Variants in RPS6KA5 observed in about 807,000 individuals in gnomAD.
RPS6KA5 encodes the protein ribosomal protein S6 kinase alpha-5.
A neutral mutation model predicts 85.5 loss-of-function variants in RPS6KA5; 27 were observed. That is an observed-to-expected ratio of 0.32 (90% CI 0.23 to 0.44). The LOEUF is 0.44. Among genes scored for constraint, RPS6KA5 ranks in the 20% least tolerant of loss-of-function variants. The probability of loss-of-function intolerance (pLI) is 1.00; values close to 1 mark genes in which losing one functional copy is unlikely to be tolerated. For missense variants in RPS6KA5, 811 were observed against 980.9 expected (o/e 0.83, Z 2.31); for synonymous variants, 334 against 348.2 (o/e 0.96, Z 0.46).
intron 1 of RPS6KA5, among the ~76,000 whole-genome samples, chr14:91,026,333 C>T (rs1240441303): frequency 3.3e-5 from 5 of 152,110 alleles, no homozygotes; most frequent in East Asian, 1.9e-4. Context: ...TGGGCTCAAG[C>T]GATCCTCTCA....
At chr14:90,876,245 T>C (rs1339821175) in intron 14 of RPS6KA5, among the ~76,000 whole-genome samples, 1 of 152,220 alleles carries the variant, frequency 6.6e-6, no homozygotes, top group Middle Eastern at 3.2e-3. Context: ...AATAGAGAGA[T>C]AGCAGAACTC....
intron 12 of RPS6KA5, among the ~76,000 whole-genome samples, chr14:90,895,172 A>G (rs1566705333): frequency 1.4e-4 from 1 of 7,238 alleles, no homozygotes; most frequent in African/African-American, 1.1e-3. Flanking sequence ...ACACCCATCC[A>G]AGGCCTGGCA....
chr14:90,899,800 A>G (rs2035057101), intron 11 of RPS6KA5, among the ~76,000 whole-genome samples: 1 of 152,214 alleles, frequency 6.6e-6, no homozygotes, highest in Non-Finnish European at 1.5e-5. Context: ...ATACACAACT[A>G]GTAGAAATGG....
At chr14:90,985,068 G>A (rs1288931424) in intron 2 of RPS6KA5, among the ~76,000 whole-genome samples, 2 of 151,942 alleles carry the variant, frequency 1.3e-5, no homozygotes, top group East Asian at 3.9e-4. Context: ...AGCTTCCCAA[G>A]TAGCTGGGAT....
intron 5 of RPS6KA5, among the ~76,000 whole-genome samples, chr14:90,932,400 A>G (rs2037033557): frequency 1.3e-5 from 2 of 152,120 alleles, no homozygotes; most frequent in African/African-American, 4.8e-5. Context: ...TCGGCCTCCC[A>G]AAGTGCTGGG....
chr14:90,918,333 C>T (rs964387512), intron 7 of RPS6KA5, among the ~76,000 whole-genome samples: 2 of 152,174 alleles, frequency 1.3e-5, no homozygotes, highest in Non-Finnish European at 2.9e-5. Context: ...CACATCTTCT[C>T]TGATGAACTG....
At chr14:90,874,640 T>C (rs373061331) in intron 15 of RPS6KA5, among the ~76,000 whole-genome samples, 2 of 152,166 alleles carry the variant, frequency 1.3e-5, no homozygotes, top group Non-Finnish European at 2.9e-5. Flanking sequence ...AGTCCCTCTA[T>C]TGACAGATGA....
At chr14:90,882,089 T>TATA (rs1166132240) in intron 14 of RPS6KA5, among the ~76,000 whole-genome samples, 1 of 152,234 alleles carries the variant, frequency 6.6e-6, no homozygotes, top group Non-Finnish European at 1.5e-5. Flanking sequence ...CTTTTATGTT[T>TATA]AGTTTATTTT....
intron 5 of RPS6KA5, among the ~76,000 whole-genome samples, chr14:90,933,052 T>C (rs2037069940): frequency 6.6e-6 from 1 of 152,252 alleles, no homozygotes; most frequent in Non-Finnish European, 1.5e-5. Context: ...ATAAGGCTAC[T>C]GCTATTCTCT....
At chr14:91,011,312 C>G (rs2041247229) in intron 1 of RPS6KA5, among the ~76,000 whole-genome samples, 1 of 151,894 alleles carries the variant, frequency 6.6e-6, no homozygotes, top group Admixed American at 6.6e-5. Flanking sequence ...ATGGTGAAAC[C>G]CCGTCTCTAC....
At chr14:90,887,913 A>C (rs1477289395) in intron 14 of RPS6KA5, among the ~76,000 whole-genome samples, 1 of 139,802 alleles carries the variant, frequency 7.2e-6, no homozygotes, top group African/African-American at 2.6e-5. Context: ...GTGCCACTGC[A>C]CTCAAGCCTG....
rs1431831641 is a variant in RPS6KA5 at position 90,860,701 on chromosome 14, CAAAA to C, written c.*11369_*11372del. On this transcript the variant is annotated 3_prime_UTR_variant, in exon 17 of 17. Coordinates refer to ENST00000614987, the MANE Select transcript of RPS6KA5 (RefSeq NM_004755.4). ...AAATAAAAATACAGAAAAATAAAGG[CAAAA>C]GAAAGAAGGTTTCAAAAAACAAAAG... 1.3e-5 allele frequency: 2 copies of C among 151,342 alleles called. No individual in the cohort carries two copies. The highest frequency in any genetic ancestry group is 1.3e-4 in the Admixed American group (2 of 15,210). 9.4% of individuals were successfully genotyped at this position (151,342 alleles called of 1,614,324 possible).
chr14:90,955,377 C>T (rs181615971), intron 3 of RPS6KA5, among the ~76,000 whole-genome samples: 2 of 152,246 alleles, frequency 1.3e-5, no homozygotes, highest in East Asian at 1.9e-4. Context: ...AAGAGATTTT[C>T]CTGAGTAGCT....
Position 90,856,703 on chromosome 14 carries a change from A to G in RPS6KA5, c.*15371T>C, listed in dbSNP as rs2032303879. On this transcript the variant is annotated 3_prime_UTR_variant, in exon 17 of 17. Coordinates refer to ENST00000614987, the MANE Select transcript of RPS6KA5 (RefSeq NM_004755.4). ...AAAATATAAGATAAAATTCATTTTAAGTGTACCATTCATTGTTTTTTACTA... is the reference window on the plus strand; with the variant it reads ...AAAATATAAGATAAAATTCATTTTAGGTGTACCATTCATTGTTTTTTACTA... The G allele has an allele frequency of 6.6e-6, 1 of 152,232 alleles. No individual in the cohort carries two copies. Among genetic ancestry groups the G allele is most frequent in the Non-Finnish European group, 1.5e-5 (1 of 68,068 alleles). 9.4% of individuals were successfully genotyped at this position (152,232 alleles called of 1,614,324 possible).
Position 90,929,524 on chromosome 14 carries a change from T to C in RPS6KA5, c.619-6328A>G, listed in dbSNP as rs142242576. ...GGTAATTCTTATAATTGAAACAAAA[T>C]GTATAAATAGAAATAAGTCTAATAA... On this transcript the variant is annotated intron_variant, in intron 5 of 16. Transcript: ENST00000614987. 9.6e-3 allele frequency among the ~76,000 whole-genome samples: 1,456 copies of C among 152,234 alleles called. 23 individuals are homozygous for C. The highest frequency in any genetic ancestry group is 0.031 in the African/African-American group (1,296 of 41,548).
chr14:91,032,155 AC>A (rs1231817701), intron 1 of RPS6KA5, among the ~76,000 whole-genome samples: 1 of 152,156 alleles, frequency 6.6e-6, no homozygotes, highest in East Asian at 1.9e-4. Context: ...ATACCATGTG[AC>A]CAAAAATTCA....
chr14:90,927,901 G>C (rs1041753333), intron 5 of RPS6KA5, among the ~76,000 whole-genome samples: 2 of 150,338 alleles, frequency 1.3e-5, no homozygotes, highest in African/African-American at 2.4e-5. Context: ...TAGTCTTTCA[G>C]GCATATGTCT....
chr14:90,869,736 T>C lies in RPS6KA5; in HGVS notation c.*2338A>G, dbSNP rs1595085578. On this transcript the variant is annotated 3_prime_UTR_variant, in exon 17 of 17. Coordinates refer to ENST00000614987, the MANE Select transcript of RPS6KA5 (RefSeq NM_004755.4). ...CTGAATTTTAAAGTGCAATTCACTG[T>C]ATGTTAATACACAGCCTGCATAGGA... 6.6e-6 allele frequency: 1 copy of C among 152,254 alleles called. No individual in the cohort carries two copies. Among genetic ancestry groups the C allele is most frequent in the African/African-American group, 2.4e-5 (1 of 41,464 alleles). 9.4% of individuals were successfully genotyped at this position (152,254 alleles called of 1,614,324 possible). A position where few individuals can be genotyped will look rare whatever the true frequency, so the allele number is the denominator to read the frequency against.
At chr14:90,879,651 C>CTCTGCT (rs2033700014) in intron 14 of RPS6KA5, among the ~76,000 whole-genome samples, 2 of 152,184 alleles carry the variant, frequency 1.3e-5, no homozygotes, top group Admixed American at 1.3e-4. Context: ...GTAGCACATG[C>CTCTGCT]TCTGCTCTCT....
Sources: allele counts gnomAD v4.1 joint callset (sites outside exome capture counted in the v4.1 genomes callset), GRCh38; gene constraint gnomAD v4.1.1; transcripts MANE v1.5; gene names NCBI Gene and HGNC (gene_info 2026-07-23, HGNC 2026-07-21).